The following PCDHA2 variants were observed in gnomAD, a reference collection of about 807,000 sequenced individuals.
PCDHA2 encodes protocadherin alpha-2.
In PCDHA2, 58 loss-of-function variants were observed where a neutral mutation model predicts 66.0. That is an observed-to-expected ratio of 0.88 (90% CI 0.71 to 1.09). PCDHA2 has a LOEUF of 1.09. PCDHA2 is among the 50% of genes least tolerant of loss of function. The pLI is 0.00. For missense variants in PCDHA2, 1,267 were observed against 1,242.3 expected, an observed-to-expected ratio of 1.02 and a Z score of -0.30; for synonymous variants, 634 against 554.0, an observed-to-expected ratio of 1.14 and a Z score of -2.03.
At chr5:140,865,937 T>A (rs529378074) in intron 1 of PCDHA2, 1 of 152,330 alleles carries the variant, frequency 6.6e-6, no homozygotes, top group South Asian at 2.1e-4. Context: ...AGAAACTTCA[T>A]GATTGTCTTC....
At chr5:140,802,050 A>G (rs1554121847) in intron 1 of PCDHA2, 2 of 1,614,200 alleles carry the variant, frequency 1.2e-6, no homozygotes, top group Non-Finnish European at 8.5e-7. Context: ...CAATACGGAC[A>G]TGTCAGCAGA....
At chr5:140,876,282 C>T (rs1227830598) in intron 1 of PCDHA2, 3 of 1,613,872 alleles carry the variant, frequency 1.9e-6, no homozygotes, top group Admixed American at 1.7e-5. Flanking sequence ...CCGATCCAGA[C>T]GAAGGACTTA....
At chr5:140,848,630 G>T in intron 1 of PCDHA2, 1 of 1,593,376 alleles carries the variant, frequency 6.3e-7, no homozygotes, top group Non-Finnish European at 8.6e-7. Flanking sequence ...GCACCTTCGT[G>T]GGCCGCATCG....
intron 1 of PCDHA2, chr5:140,835,448 G>C: frequency 1.9e-6 from 3 of 1,613,886 alleles, no homozygotes; most frequent in African/African-American, 1.3e-5. Flanking sequence ...TCACTTCCCT[G>C]TCTCTCCCTA....
intron 1 of PCDHA2, chr5:140,802,983 G>A: frequency 1.9e-6 from 3 of 1,614,026 alleles, no homozygotes; most frequent in Admixed American, 1.7e-5. Context: ...GAAGGTGCGC[G>A]CAGTGGATGC....
chr5:140,802,719 G>T, intron 1 of PCDHA2: 2 of 1,612,610 alleles, frequency 1.2e-6, no homozygotes, highest in Non-Finnish European at 8.5e-7. Flanking sequence ...GTCGAGCTAC[G>T]TGTCGGTACA....
At chr5:140,879,303 G>A (rs2057936117) in intron 1 of PCDHA2, among the ~76,000 whole-genome samples, 1 of 152,184 alleles carries the variant, frequency 6.6e-6, no homozygotes. Flanking sequence ...AAAAACAAAA[G>A]TAGAAGTTGA....
chr5:140,836,018 G>A (rs1480987765), intron 1 of PCDHA2: 2 of 1,613,364 alleles, frequency 1.2e-6, no homozygotes, highest in Non-Finnish European at 1.7e-6. Context: ...TGCCGCCTCT[G>A]GGCAGCAACG....
rs2150155445 is a variant in PCDHA2, at chr5:140,828,452, G to A, written c.2388+31100G>A. ...GCCGCTGCAGGTTTTCCATGTGGAC[G>A]TGGAGGTGAGGGACATTAACGACAA... On this transcript the variant is annotated intron_variant, in intron 1 of 3. Coordinates refer to ENST00000526136, the MANE Select transcript of PCDHA2 (RefSeq NM_018905.3). The A allele has an allele frequency of 2.5e-6, 4 of 1,614,166 alleles. No individual in the cohort carries two copies. In the South Asian group the frequency reaches 4.4e-5, roughly 18 times the overall value.
chr5:140,884,150 A>G (rs782776110), intron 1 of PCDHA2: 14 of 1,613,346 alleles, frequency 8.7e-6, no homozygotes, highest in Non-Finnish European at 1.1e-5. Context: ...GGGGCTGTAC[A>G]CTGGCGAGAT....
chr5:140,945,927 G>A (rs1036727708), intron 1 of PCDHA2, among the ~76,000 whole-genome samples: 1 of 152,038 alleles, frequency 6.6e-6, no homozygotes, highest in East Asian at 1.9e-4. Flanking sequence ...ACTGATCTGA[G>A]CAATGATGTT....
intron 1 of PCDHA2, chr5:140,829,316 C>T (rs2150165789): frequency 2.5e-6 from 4 of 1,614,262 alleles, no homozygotes; most frequent in Admixed American, 3.3e-5. Flanking sequence ...CTCGTTGGTG[C>T]TGGACAGTGC....
intron 1 of PCDHA2, among the ~76,000 whole-genome samples, chr5:140,975,937 A>C (rs2096690423): frequency 1.3e-5 from 2 of 152,194 alleles, no homozygotes; most frequent in South Asian, 2.1e-4. Context: ...CTTTGAAGCA[A>C]TAGGACATAT....
At chr5:140,843,592 G>C in intron 1 of PCDHA2, 1 of 1,596,002 alleles carries the variant, frequency 6.3e-7, no homozygotes, top group African/African-American at 1.3e-5. Context: ...AGCCGCAGAG[G>C]GTGTGCTCTG....
At position 140,808,713 on chromosome 5, in the gene PCDHA2, C is replaced by T. The variant is rs538251882; in HGVS notation, c.2388+11361C>T. 1.7e-5 allele frequency: 28 copies of T among 1,612,214 alleles called. No homozygotes were observed. In the South Asian group the frequency reaches 1.9e-4, roughly 11 times the overall value. Reference sequence around the variant, plus strand: ...GAGCGCGCGCTGTCGAGCTACGTTTCGGTGCATGCGGAGAGCGGCAAGGTG... The same window carrying T: ...GAGCGCGCGCTGTCGAGCTACGTTTTGGTGCATGCGGAGAGCGGCAAGGTG... On this transcript the variant is annotated intron_variant, in intron 1 of 3. Transcript: ENST00000526136.
chr5:140,802,712 G>A, intron 1 of PCDHA2: 2 of 1,612,524 alleles, frequency 1.2e-6, no homozygotes, highest in Non-Finnish European at 1.7e-6. Context: ...GCGCGCTGTC[G>A]AGCTACGTGT....
At chr5:140,991,808 G>A (rs367660702) in intron 3 of PCDHA2, among the ~76,000 whole-genome samples, 4 of 152,074 alleles carry the variant, frequency 2.6e-5, no homozygotes, top group East Asian at 1.9e-4. Flanking sequence ...GGCCACTTCC[G>A]CATTTTTAGG....
In PCDHA2 at chr5:140,857,043, A is replaced by T. The variant is rs201811819; in HGVS notation, c.2388+59691A>T. Reference sequence around the variant, plus strand: ...AAGGGAAACCCACCTATGGTTGGTCACTGCACGGTCCTAGTGGAACTACTG... The same window carrying T: ...AAGGGAAACCCACCTATGGTTGGTCTCTGCACGGTCCTAGTGGAACTACTG... On this transcript the variant is annotated intron_variant, in intron 1 of 3. Transcript: ENST00000526136. 81 of 1,595,818 alleles carry T rather than the reference A, an allele frequency of 5.1e-5. 4 individuals carry two copies. The highest frequency in any genetic ancestry group is 1.5e-5 in the Non-Finnish European group (18 of 1,165,582).
At chr5:140,962,224 A>C (rs2095665980) in intron 1 of PCDHA2, among the ~76,000 whole-genome samples, 1 of 152,152 alleles carries the variant, frequency 6.6e-6, no homozygotes. Flanking sequence ...TTGAGGTTCA[A>C]GTTTCACTTA....
Sources: allele counts gnomAD v4.1 joint callset (sites outside exome capture counted in the v4.1 genomes callset), GRCh38; gene constraint gnomAD v4.1.1; transcripts MANE v1.5; gene names NCBI Gene and HGNC (gene_info 2026-07-23, HGNC 2026-07-21).